HEMK2: variants seen among roughly 807,000 people sequenced by gnomAD.
HEMK2 encodes HemK methyltransferase 2, ETF1 glutamine and histone H4 lysine.
chr21:28,741,324 T>C, the HEMK2 span, among the ~76,000 whole-genome samples: 1 of 152,216 alleles, frequency 6.6e-6, no homozygotes, highest in Non-Finnish European at 1.5e-5. Flanking sequence ...CATGAAGTTT[T>C]AAAAGGCAGG....
At chr21:28,668,487 G>A in the HEMK2 span, among the ~76,000 whole-genome samples, 1,390 of 152,222 alleles carry the variant, frequency 9.1e-3, 29 homozygotes, top group African/African-American at 0.032. Context: ...CAGAGGGAAG[G>A]AACACAAGAG....
the HEMK2 span, among the ~76,000 whole-genome samples, chr21:28,816,819 T>C: frequency 6.6e-6 from 1 of 152,232 alleles, no homozygotes; most frequent in Non-Finnish European, 1.5e-5. Flanking sequence ...CTAGAAGGCA[T>C]GAACGGTGCA....
chr21:28,602,808 AG>A, the HEMK2 span, among the ~76,000 whole-genome samples: 1 of 152,228 alleles, frequency 6.6e-6, no homozygotes, highest in Non-Finnish European at 1.5e-5. Context: ...CACCATATTG[AG>A]GTAGCCACAG....
At chr21:28,861,426 T>C in the HEMK2 span, among the ~76,000 whole-genome samples, 33 of 152,244 alleles carry the variant, frequency 2.2e-4, no homozygotes, top group African/African-American at 7.5e-4. Context: ...AGAAAACTTC[T>C]AGGTCAAATG....
At chr21:28,596,141 C>T in the HEMK2 span, among the ~76,000 whole-genome samples, 3 of 152,140 alleles carry the variant, frequency 2.0e-5, no homozygotes, top group Admixed American at 6.6e-5. Context: ...CTCAGCCTCC[C>T]GAGTAGCTGG....
chr21:28,664,601 T>A, the HEMK2 span, among the ~76,000 whole-genome samples: 8 of 151,926 alleles, frequency 5.3e-5, no homozygotes, highest in Non-Finnish European at 8.8e-5. Context: ...CTTTGCCTTT[T>A]AAAAAATATA....
chr21:28,598,266 T>G, the HEMK2 span, among the ~76,000 whole-genome samples: 3 of 152,312 alleles, frequency 2.0e-5, no homozygotes, highest in Non-Finnish European at 4.4e-5. Context: ...ACTAGTTTGA[T>G]CATAACGTTT....
At chr21:28,692,227 A>G in the HEMK2 span, among the ~76,000 whole-genome samples, 1 of 152,192 alleles carries the variant, frequency 6.6e-6, no homozygotes, top group South Asian at 2.1e-4. Flanking sequence ...AATTTATTTC[A>G]GCAAGAGACT....
At chr21:28,671,270 AG>A in the HEMK2 span, 2 of 152,258 alleles carry the variant, frequency 1.3e-5, no homozygotes, top group African/African-American at 4.8e-5. Context: ...AAGTGAGAAC[AG>A]GCAGTGGTGG....
At chr21:28,784,145 A>G in the HEMK2 span, among the ~76,000 whole-genome samples, 1 of 152,132 alleles carries the variant, frequency 6.6e-6, no homozygotes, top group Admixed American at 6.5e-5. Flanking sequence ...GAGTGCGGGC[A>G]CACAGCGCGG....
chr21:28,750,870 G>A, the HEMK2 span, among the ~76,000 whole-genome samples: 1 of 152,110 alleles, frequency 6.6e-6, no homozygotes, highest in Non-Finnish European at 1.5e-5. Flanking sequence ...CTAAAATGTT[G>A]TGATACAGAA....
chr21:28,595,373 T>C, the HEMK2 span, among the ~76,000 whole-genome samples: 1 of 149,574 alleles, frequency 6.7e-6, no homozygotes, highest in Non-Finnish European at 1.5e-5. Context: ...TTCCACTCTC[T>C]ATCTTCATGG....
the HEMK2 span, among the ~76,000 whole-genome samples, chr21:28,673,884 C>G: frequency 1.3e-5 from 2 of 151,928 alleles, no homozygotes; most frequent in East Asian, 1.9e-4. Flanking sequence ...TTAAAATTAA[C>G]CACTCAGATA....
chr21:28,728,730 A>G, the HEMK2 span, among the ~76,000 whole-genome samples: 2 of 152,214 alleles, frequency 1.3e-5, no homozygotes, highest in African/African-American at 4.8e-5. Context: ...CACAAGTAGG[A>G]ATTGATCTGT....
At chr21:28,829,754 T>C in the HEMK2 span, among the ~76,000 whole-genome samples, 1 of 152,212 alleles carries the variant, frequency 6.6e-6, no homozygotes, top group South Asian at 2.1e-4. Context: ...GTATTTTCCC[T>C]AGACCAATTA....
At chr21:28,796,650 T>C in the HEMK2 span, among the ~76,000 whole-genome samples, 6 of 152,274 alleles carry the variant, frequency 3.9e-5, no homozygotes, top group Middle Eastern at 3.4e-3. Context: ...CTGCAGCATC[T>C]ACCTCTTGGG....
the HEMK2 span, among the ~76,000 whole-genome samples, chr21:28,847,330 T>C: frequency 1.1e-3 from 162 of 152,342 alleles, 1 homozygote; most frequent in Non-Finnish European, 1.8e-3. Flanking sequence ...TGATGCAAGA[T>C]GGCATGTCAT....
At chr21:28,741,998 T>G in the HEMK2 span, among the ~76,000 whole-genome samples, 1 of 152,176 alleles carries the variant, frequency 6.6e-6, no homozygotes, top group Non-Finnish European at 1.5e-5. Flanking sequence ...GAGCCTTCTT[T>G]ACAGGGAAAG....
At chr21:28,764,256 T>C in the HEMK2 span, among the ~76,000 whole-genome samples, 1 of 152,066 alleles carries the variant, frequency 6.6e-6, no homozygotes. Context: ...GGGAGTTGTG[T>C]CAGCAGGACA....
Sources: gnomAD v4.1 joint callset for allele counts (sites outside exome capture counted in the v4.1 genomes callset) on GRCh38, gnomAD v4.1.1 for gene constraint, MANE v1.5 for transcripts, NCBI Gene and HGNC (gene_info 2026-07-23, HGNC 2026-07-21) for gene names.